The following NLGN1 variants were observed in gnomAD, a reference collection of about 807,000 sequenced individuals.
NLGN1 encodes neuroligin 1.
Under a neutral mutation model 65.5 loss-of-function variants are expected in NLGN1, and 12 were observed. The observed-to-expected ratio is 0.18, with a 90% confidence interval of 0.12 to 0.30. NLGN1 has a LOEUF of 0.30. Ranked by LOEUF, NLGN1 falls within the 10% of genes least tolerant of loss-of-function variation. The pLI, the probability that NLGN1 is intolerant of heterozygous loss-of-function variation, is 1.00. For missense variants in NLGN1, 750 were observed against 1,007.1 expected (o/e 0.74, Z 3.46); for synonymous variants, 350 against 359.5 (o/e 0.97, Z 0.30).
chr3:173,504,207 T>A (rs190883238), intron 2 of NLGN1, among the ~76,000 whole-genome samples: 5 of 152,196 alleles, frequency 3.3e-5, no homozygotes, highest in Admixed American at 3.3e-4. Flanking sequence ...CTTCAGAATG[T>A]TTATCTGCAG....
chr3:174,013,400 A>G (rs191047975), intron 4 of NLGN1, among the ~76,000 whole-genome samples: 39 of 152,354 alleles, frequency 2.6e-4, no homozygotes, highest in Non-Finnish European at 2.9e-5. Flanking sequence ...GGCTGAAATG[A>G]AAAATGAACA....
At chr3:174,154,571 G>A (rs1561173166) in intron 4 of NLGN1, among the ~76,000 whole-genome samples, 1 of 152,000 alleles carries the variant, frequency 6.6e-6, no homozygotes, top group Non-Finnish European at 1.5e-5. Context: ...AATGTGAAAT[G>A]TTGCTGAACT....
At chr3:173,413,600 A>AAAAAT (rs10630292) in intron 1 of NLGN1, among the ~76,000 whole-genome samples, 70,643 of 151,052 alleles carry the variant, frequency 0.47, 18,301 homozygotes, top group African/African-American at 0.69. Context: ...ACTCCATCTC[A>AAAAAT]AAAATAAAAT....
chr3:174,242,158 T>C (rs1488303638), intron 4 of NLGN1, among the ~76,000 whole-genome samples: 1 of 152,164 alleles, frequency 6.6e-6, no homozygotes, highest in African/African-American at 2.4e-5. Context: ...ATAATAATAC[T>C]GGCCTAGTAG....
intron 4 of NLGN1, among the ~76,000 whole-genome samples, chr3:174,220,105 G>C (rs993178): frequency 0.62 from 93,599 of 151,536 alleles, 30,565 homozygotes; most frequent in East Asian, 0.8. Flanking sequence ...CGAAAACAGA[G>C]ACCTTGCCCT....
chr3:173,824,817 C>A (rs555230272), intron 4 of NLGN1, among the ~76,000 whole-genome samples: 68 of 152,072 alleles, frequency 4.5e-4, no homozygotes, highest in African/African-American at 1.6e-3. Context: ...GATTTAGTGA[C>A]GTTGTGTACT....
chr3:173,834,186 C>G (rs1420021814), intron 4 of NLGN1, among the ~76,000 whole-genome samples: 1 of 152,138 alleles, frequency 6.6e-6, no homozygotes, highest in African/African-American at 2.4e-5. Context: ...TATAGTCACA[C>G]TCTTATATTC....
At chr3:174,006,347 T>C (rs1724393823) in intron 4 of NLGN1, among the ~76,000 whole-genome samples, 1 of 152,234 alleles carries the variant, frequency 6.6e-6, no homozygotes, top group South Asian at 2.1e-4. Flanking sequence ...ACTGTTTTTC[T>C]GTCCCTCATT....
At position 173,534,274 on chromosome 3, in the gene NLGN1, C is replaced by CTTA. The variant is rs567322779; in HGVS notation, c.-320-70004_-320-70003insTAT. On this transcript the variant is annotated intron_variant, in intron 2 of 6. Coordinates refer to ENST00000457714, the Ensembl canonical transcript of NLGN1. ...ATAGATTCTTTTGCAAATAAGTGTC[C>CTTA]TCATTAATTTCTTAATAGTGTTTTC... Among the ~76,000 whole-genome samples, 1,018 of 152,190 alleles carry CTTA rather than the reference C, an allele frequency of 6.7e-3. 18 individuals are homozygous for CTTA. Among genetic ancestry groups the CTTA allele is most frequent in the African/African-American group, 0.023 (963 of 41,526 alleles).
chr3:173,424,063 G>C (rs1311014143), intron 1 of NLGN1, among the ~76,000 whole-genome samples: 1 of 152,198 alleles, frequency 6.6e-6, no homozygotes, highest in Non-Finnish European at 1.5e-5. Flanking sequence ...TGAACACCAT[G>C]TGGAAGCCAC....
chr3:173,918,696 GT>G (rs1560629096), intron 4 of NLGN1, among the ~76,000 whole-genome samples: 1 of 134,720 alleles, frequency 7.4e-6, no homozygotes, highest in Non-Finnish European at 1.6e-5. Context: ...GTGTGTGTGT[GT>G]GTGTGTATAT....
intron 4 of NLGN1, among the ~76,000 whole-genome samples, chr3:174,265,563 A>G (rs4632555): frequency 0.33 from 49,374 of 151,132 alleles, 8,614 homozygotes; most frequent in East Asian, 0.54. Context: ...GCACCCACTG[A>G]CCTGCGCCCA....
At chr3:173,704,348 G>T (rs1293730452) in intron 3 of NLGN1, among the ~76,000 whole-genome samples, 1 of 152,116 alleles carries the variant, frequency 6.6e-6, no homozygotes, top group Non-Finnish European at 1.5e-5. Flanking sequence ...CCAAGCTGTA[G>T]TCTTTCAGTA....
intron 3 of NLGN1, among the ~76,000 whole-genome samples, chr3:173,792,169 T>C (rs1176650954): frequency 1.3e-5 from 2 of 152,080 alleles, no homozygotes; most frequent in Non-Finnish European, 2.9e-5. Flanking sequence ...AGGAGAGGCA[T>C]GTGTGAGACC....
At chr3:173,906,471 A>G (rs1738411674) in intron 4 of NLGN1, among the ~76,000 whole-genome samples, 1 of 151,968 alleles carries the variant, frequency 6.6e-6, no homozygotes, top group South Asian at 2.1e-4. Flanking sequence ...TATAAAAGAG[A>G]TATCACCCCT....
intron 4 of NLGN1, among the ~76,000 whole-genome samples, chr3:174,147,325 A>G (rs948978542): frequency 1.3e-5 from 2 of 151,578 alleles, no homozygotes; most frequent in African/African-American, 4.9e-5. Flanking sequence ...GAACAAGAGC[A>G]AATTGTTGCT....
At chr3:173,433,851 A>G (rs1052920996) in intron 1 of NLGN1, among the ~76,000 whole-genome samples, 2 of 152,170 alleles carry the variant, frequency 1.3e-5, no homozygotes, top group Non-Finnish European at 2.9e-5. Flanking sequence ...AGGTTATATA[A>G]TTAGTATTTA....
chr3:173,556,823 GT>G (rs1741787577), intron 2 of NLGN1, among the ~76,000 whole-genome samples: 1 of 151,774 alleles, frequency 6.6e-6, no homozygotes, highest in Non-Finnish European at 1.5e-5. Flanking sequence ...AAAAATTGCT[GT>G]TGATTTCTAA....
chr3:173,608,671 A>C (rs1253652663), intron 3 of NLGN1, among the ~76,000 whole-genome samples: 1 of 151,728 alleles, frequency 6.6e-6, no homozygotes, highest in African/African-American at 2.4e-5. Flanking sequence ...CATTAGATAG[A>C]TTTCCGTTAT....
Sources: allele counts gnomAD v4.1 joint callset (sites outside exome capture counted in the v4.1 genomes callset), GRCh38; gene constraint gnomAD v4.1.1; transcripts MANE v1.5; gene names NCBI Gene and HGNC (gene_info 2026-07-23, HGNC 2026-07-21).